CTDSP1: variants seen among roughly 807,000 people sequenced by gnomAD.
CTDSP1 encodes the protein CTD small phosphatase 1.
In CTDSP1, 15 loss-of-function variants were observed where a neutral mutation model predicts 32.5. The observed-to-expected ratio is 0.46, with a 90% confidence interval of 0.31 to 0.71. The LOEUF (loss-of-function observed/expected upper bound fraction) is 0.71. Among genes scored for constraint, CTDSP1 ranks in the 30% least tolerant of loss-of-function variants. The pLI is 0.05. For missense variants in CTDSP1, 294 were observed against 351.1 expected (o/e 0.84, Z 1.30); for synonymous variants, 185 against 145.4 (o/e 1.27, Z -1.96).
chr2:218,400,083 C>T lies in CTDSP1; in HGVS notation c.-8C>T, dbSNP rs1169494262. On this transcript the variant is annotated 5_prime_UTR_variant, in exon 1 of 7. Coordinates refer to ENST00000273062, the MANE Select transcript of CTDSP1 (RefSeq NM_021198.3). ...AGAGTCCGGCCGGAGCGGAGCGCGCCCGGCCCCATGGACAGCTCGGCCGTC... is the reference window on the plus strand; with the variant it reads ...AGAGTCCGGCCGGAGCGGAGCGCGCTCGGCCCCATGGACAGCTCGGCCGTC... 7 of 1,463,034 alleles carry T rather than the reference C, an allele frequency of 4.8e-6. No homozygotes were observed. The Admixed American group carries it at 1.6e-4, about 34-fold the overall frequency. 90.6% of individuals were successfully genotyped at this position (1,463,034 alleles called of 1,614,324 possible). A position where few individuals can be genotyped will look rare whatever the true frequency, so the allele number is the denominator to read the frequency against.
In CTDSP1 at chr2:218,405,438, G is replaced by T. The variant is rs1697363570; in HGVS notation, c.*1013G>T. On this transcript the variant is annotated 3_prime_UTR_variant, in exon 7 of 7. Transcript: ENST00000273062. ...TGAGCACCTTCTGTGCCCAGCATAT[G>T]CTAGGCCCACCAGCTAAGTGTGTGT... 6.6e-6 allele frequency: 1 copy of T among 152,628 alleles called. No homozygotes were observed. Among genetic ancestry groups the T allele is most frequent in the Admixed American group, 6.5e-5 (1 of 15,286 alleles). 9.5% of individuals were successfully genotyped at this position (152,628 alleles called of 1,614,324 possible).
In CTDSP1 at chr2:218,402,916, C is replaced by T. The variant is rs2739051; in HGVS notation, c.379-119C>T. The T allele has an allele frequency of 2.3e-5, 17 of 743,036 alleles. No individual in the cohort carries two copies. In the East Asian group the frequency reaches 4.2e-4, roughly 19 times the overall value. The allele number at this position is 743,036 out of a possible 1,614,324, so 46.0% of individuals were successfully genotyped here. On this transcript the variant is annotated intron_variant, in intron 4 of 6. Coordinates refer to ENST00000273062, the MANE Select transcript of CTDSP1 (RefSeq NM_021198.3). ...GGTCAGGGTAGCTGGCCAAGCGGAG[C>T]CTGCGGGCCCAGTCTCCTTCCTGTG...
chr2:218,398,683 C>A, upstream of CTDSP1: 1 of 336,680 alleles, frequency 3.0e-6, no homozygotes, highest in Non-Finnish European at 5.4e-6. Flanking sequence ...CGCGCCCGCC[C>A]CGCCCCGCCA....
At chr2:218,399,769 G>A (rs1697007541), upstream of CTDSP1, 4 of 1,051,646 alleles carry the variant, frequency 3.8e-6, no homozygotes, top group Non-Finnish European at 3.4e-6. Flanking sequence ...TAGCCGCGCC[G>A]GTCCCAGAAG....
At chr2:218,400,611 TG>T in intron 1 of CTDSP1, 1 of 391,892 alleles carries the variant, frequency 2.6e-6, no homozygotes, top group Admixed American at 2.9e-5. Flanking sequence ...GACAGCAGGC[TG>T]GGGAGGCTTG....
At chr2:218,402,514 C>T (rs1697202208) in intron 4 of CTDSP1, 109 bp downstream of exon 4, 30 of 1,111,304 alleles carry the variant, frequency 2.7e-5, no homozygotes, top group Non-Finnish European at 3.9e-5. Context: ...TGTGGAATGT[C>T]AGAGGCCCAG....
chr2:218,402,998 C>T, intron 4 of CTDSP1, 37 bp from the exon 5 acceptor site: 1 of 1,519,322 alleles, frequency 6.6e-7, no homozygotes. Context: ...CACACTGCCC[C>T]ACTGGCCCGC....
Position 218,403,413 on chromosome 2 carries a change from A to G in CTDSP1, c.653A>G (p.Asn218Ser). The G allele has an allele frequency of 6.3e-7, 1 of 1,596,538 alleles. No homozygotes were observed. Among genetic ancestry groups the G allele is most frequent in the Non-Finnish European group, 8.5e-7 (1 of 1,170,794 alleles). The part of the protein sequence containing the change: ...SPASYVFHPD[N>S]AVPVASWFDN... ...GCCTCCTATGTCTTCCATCCAGACA[A>G]TGCTGTGAGTGCGGGCTGGACTGGG... The change falls in exon 6 of 7, where the codon AAT becomes AGT. Residue 218 changes from asparagine to serine, a missense_variant. Asn to Ser is a conservative substitution (Grantham distance 46). This residue lies in a region of CTDSP1 where 146 missense variants were observed against 237.7 expected (regional missense o/e 0.61). Coordinates refer to ENST00000273062, the MANE Select transcript of CTDSP1 (RefSeq NM_021198.3).
intron 6 of CTDSP1, chr2:218,403,625 C>T: frequency 2.0e-6 from 1 of 508,010 alleles, no homozygotes; most frequent in East Asian, 3.2e-5. Flanking sequence ...CAAAGCAGAG[C>T]ATCTGCCATG....
chr2:218,398,108 C>T (rs528106879), upstream of CTDSP1: 36 of 427,796 alleles, frequency 8.4e-5, no homozygotes, highest in Non-Finnish European at 9.4e-5. Context: ...CGACTCCACT[C>T]AGTCCCTCGC....
intron 6 of CTDSP1, among the ~76,000 whole-genome samples, chr2:218,404,059 C>CAA (rs762447631): frequency 4.5e-5 from 6 of 134,530 alleles, no homozygotes; most frequent in South Asian, 4.8e-4. Context: ...GACCCTGCCT[C>CAA]AAAAAAAAAA....
upstream of CTDSP1, chr2:218,398,432 C>T: frequency 6.5e-7 from 1 of 1,535,042 alleles, no homozygotes; most frequent in Non-Finnish European, 8.7e-7. Flanking sequence ...GCCCCGTGGG[C>T]TACCCAGGAG....
upstream of CTDSP1, chr2:218,398,507 C>T (rs1696936729): frequency 7.1e-7 from 1 of 1,409,548 alleles, no homozygotes; most frequent in African/African-American, 1.5e-5. Context: ...TCCCCTCCCG[C>T]CCCTACTCCC....
At chr2:218,404,114 A>G (rs1285814076) in intron 6 of CTDSP1, among the ~76,000 whole-genome samples, 183 bp from the exon 7 acceptor site, 1 of 152,194 alleles carries the variant, frequency 6.6e-6, no homozygotes, top group African/African-American at 2.4e-5. Flanking sequence ...GGAATTGTGA[A>G]GCTTTTGCAT....
chr2:218,400,285 G>C (rs1166729054), intron 1 of CTDSP1, 128 bp downstream of exon 1: 2 of 827,680 alleles, frequency 2.4e-6, no homozygotes, highest in South Asian at 1.5e-5. Context: ...GAAGCTCCCA[G>C]CCCGAGAGGG....
In CTDSP1 at chr2:218,402,357, C is replaced by T. The variant is rs763927426; in HGVS notation, c.330C>T (p.Asn110=). 2.5e-6 allele frequency: 4 copies of T among 1,613,918 alleles called. No homozygotes were observed. In the Admixed American group the frequency reaches 5.0e-5, roughly 20 times the overall value. The change falls in exon 4 of 7, where the codon AAC becomes AAT. Residue 110 remains asparagine (N), a synonymous_variant. Coordinates refer to ENST00000273062, the MANE Select transcript of CTDSP1 (RefSeq NM_021198.3). ...TLVHSSFKPV[N]NADFIIPVEI... is the part of the protein sequence containing the mutation. ...CTCTTTTCCCCCCACAGCCAGTGAACAACGCGGACTTCATCATCCCTGTGG... is the reference window on the plus strand; with the variant it reads ...CTCTTTTCCCCCCACAGCCAGTGAATAACGCGGACTTCATCATCCCTGTGG...
In CTDSP1 at chr2:218,404,337, A is replaced by G; in HGVS notation, c.698A>G (p.Glu233Gly). Residue 233 changes from glutamate to glycine, a missense_variant, in exon 7 of 7, where the codon GAG becomes GGG. Glu to Gly is a moderately conservative substitution (Grantham distance 98). This residue lies in a region of CTDSP1 where 146 missense variants were observed against 237.7 expected (regional missense o/e 0.61). Transcript: ENST00000273062. ...ASWFDNMSDT[E>G]LHDLLPFFEQ... The stretch of plus-strand genomic sequence containing the variant: ...TGGTTTGACAACATGAGTGACACAG[A>G]GCTCCACGACCTCCTCCCCTTCTTC... 6.2e-7 allele frequency: 1 copy of G among 1,614,188 alleles called. No individual in the cohort carries two copies. Among genetic ancestry groups the G allele is most frequent in the Middle Eastern group, 1.7e-4 (1 of 6,060 alleles).
At chr2:218,398,169 G>C (rs1281792453), upstream of CTDSP1, 3 of 536,680 alleles carry the variant, frequency 5.6e-6, no homozygotes, top group South Asian at 2.1e-5. Context: ...AGATAAAGCC[G>C]AGGCCCCACC....
At chr2:218,401,498 G>C in intron 1 of CTDSP1, 66 bp from the exon 2 acceptor site, 1 of 1,578,082 alleles carries the variant, frequency 6.3e-7, no homozygotes, top group South Asian at 1.1e-5. Context: ...TTCACACCTG[G>C]GCACACATGC....
Sources: allele counts gnomAD v4.1 joint callset (sites outside exome capture counted in the v4.1 genomes callset), GRCh38; gene constraint gnomAD v4.1.1; regional missense constraint gnomAD v4.1.1; transcripts MANE v1.5; gene names NCBI Gene and HGNC (gene_info 2026-07-23, HGNC 2026-07-21).